The following HEATR5B variants were observed in gnomAD, a reference collection of about 807,000 sequenced individuals.
The protein encoded by HEATR5B is HEAT repeat containing 5B.
Under a neutral mutation model 224.1 loss-of-function variants are expected in HEATR5B, and 156 were observed. That is an observed-to-expected ratio of 0.70 (90% CI 0.61 to 0.80). The LOEUF is 0.80. HEATR5B is among the 30% of genes least tolerant of loss of function. The pLI, the probability that HEATR5B is intolerant of heterozygous loss-of-function variation, is 0.00. For missense variants in HEATR5B, 2,323 were observed against 2,535.5 expected (o/e 0.92, Z 1.80); for synonymous variants, 1,027 against 893.0 (o/e 1.15, Z -2.68).
intron 8 of HEATR5B, 142 bp downstream of exon 8, chr2:37,068,539 A>G (rs548216024): frequency 1.4e-4 from 121 of 835,220 alleles, no homozygotes; most frequent in Non-Finnish European, 2.1e-4. Context: ...TGATTTTAAT[A>G]TCAAATAAGA....
At chr2:36,985,824 T>A (rs75812386) in intron 35 of HEATR5B, among the ~76,000 whole-genome samples, 1 of 152,000 alleles carries the variant, frequency 6.6e-6, no homozygotes, top group Non-Finnish European at 1.5e-5. Flanking sequence ...TGGTTGATAG[T>A]TGAAATTACA....
chr2:36,988,738 C>G lies in HEATR5B; in HGVS notation c.5819G>C (p.Arg1940Thr). Residue 1940 changes from arginine to threonine, a missense_variant, in exon 35 of 36, where the codon AGA becomes ACA. Arg to Thr is a moderately conservative substitution (Grantham distance 71, BLOSUM62 -1). Transcript: ENST00000233099. ...CTCTATGTTACTGGCTGGTCTGTTT[C>G]TTTCAACAGCTTTTAGCTTTTCAAC... ...IVVEKLKAVERNRPASNIELL... is the reference protein window; with the variant it reads ...IVVEKLKAVETNRPASNIELL... The G allele has an allele frequency of 6.2e-7, 1 of 1,612,472 alleles. No individual in the cohort carries two copies. The highest frequency in any genetic ancestry group is 1.7e-5 in the Admixed American group (1 of 59,664).
intron 31 of HEATR5B, among the ~76,000 whole-genome samples, chr2:37,003,333 A>G (rs1487648118): frequency 6.6e-6 from 1 of 151,448 alleles, no homozygotes; most frequent in Non-Finnish European, 1.5e-5. Flanking sequence ...AGCTACTCAG[A>G]AGGCTAAGGC....
intron 18 of HEATR5B, among the ~76,000 whole-genome samples, chr2:37,048,664 G>T (rs916776256): frequency 6.6e-6 from 1 of 152,036 alleles, no homozygotes; most frequent in Non-Finnish European, 1.5e-5. Flanking sequence ...ATAATCAATG[G>T]CAAATATTTG....
intron 17 of HEATR5B, among the ~76,000 whole-genome samples, chr2:37,050,411 C>G (rs1467840746): frequency 6.6e-6 from 1 of 152,124 alleles, no homozygotes; most frequent in Non-Finnish European, 1.5e-5. Flanking sequence ...GGGAGTGTCT[C>G]TATTCAAAGA....
In HEATR5B at chr2:37,002,292, G is replaced by C. The variant is rs1667137871; in HGVS notation, c.5317+14C>G. The C allele has an allele frequency of 6.2e-7, 1 of 1,613,888 alleles. No homozygotes were observed. The highest frequency in any genetic ancestry group is 1.1e-5 in the South Asian group (1 of 91,044). On this transcript the variant is annotated intron_variant, in intron 32 of 35. Coordinates refer to ENST00000233099, the MANE Select transcript of HEATR5B (RefSeq NM_019024.3). ...GTAATATAATGCATTTCCAAATACT[G>C]ATCAATACCGTACCAGCGGGTGAAC...
chr2:37,057,323 T>G lies in HEATR5B; in HGVS notation c.2217A>C (p.Glu739Asp). The G allele has an allele frequency of 6.3e-7, 1 of 1,599,838 alleles. No homozygotes were observed. The highest frequency in any genetic ancestry group is 8.5e-7 in the Non-Finnish European group (1 of 1,175,004). Residue 739 changes from glutamate to aspartate, a missense_variant, in exon 15 of 36, where the codon GAA becomes GAC. Glu to Asp is a conservative substitution (Grantham distance 45). This residue lies in a region of HEATR5B where 170 missense variants were observed against 216.7 expected (regional missense o/e 0.78). Coordinates refer to ENST00000233099, the MANE Select transcript of HEATR5B (RefSeq NM_019024.3). Reference protein sequence around the residue: ...WLQETDHKSIEDQLQPNSASG... With the variant: ...WLQETDHKSIDDQLQPNSASG... ...TTTCCTCTATGTTTATTACCTGGTC[T>G]TCAATTGATTTATGATCAGTTTCCT...
At chr2:37,071,356 G>A (rs909459600) in intron 6 of HEATR5B, among the ~76,000 whole-genome samples, 9 of 152,184 alleles carry the variant, frequency 5.9e-5, no homozygotes, top group Admixed American at 2.6e-4. Flanking sequence ...AGGCACCCCT[G>A]AGATATCTCT....
intron 33 of HEATR5B, among the ~76,000 whole-genome samples, chr2:36,994,370 GT>G (rs754270114): frequency 3.3e-5 from 5 of 152,110 alleles, no homozygotes; most frequent in Non-Finnish European, 7.4e-5. Flanking sequence ...ATTTTTGTAC[GT>G]TTGTACATGT....
Position 37,060,692 on chromosome 2 carries a change from A to G in HEATR5B, c.1738T>C (p.Leu580=), listed in dbSNP as rs939363954. 5.6e-6 allele frequency: 9 copies of G among 1,614,002 alleles called. No homozygotes were observed. The highest frequency in any genetic ancestry group is 2.2e-5 in the South Asian group (2 of 91,076). Reference sequence around the variant, plus strand: ...GAACGTGGGAAAACATTTCGCCACAATAACAACATCTTGGGCAGATGGTAA... The same window carrying G: ...GAACGTGGGAAAACATTTCGCCACAGTAACAACATCTTGGGCAGATGGTAA... ...VRYHLPKMLL[L]WRNVFPRSLK... Residue 580 remains leucine, a synonymous_variant, in exon 12 of 36, where the codon TTG becomes CTG. Coordinates refer to ENST00000233099, the MANE Select transcript of HEATR5B (RefSeq NM_019024.3).
chr2:37,061,198 G>A (rs1291129701), intron 11 of HEATR5B, among the ~76,000 whole-genome samples: 1 of 152,074 alleles, frequency 6.6e-6, no homozygotes, highest in Non-Finnish European at 1.5e-5. Flanking sequence ...GGTTAATTTA[G>A]TTTCATGGAA....
At chr2:37,028,287 G>T in intron 23 of HEATR5B, 113 bp from the exon 24 acceptor site, 3 of 626,234 alleles carry the variant, frequency 4.8e-6, no homozygotes, top group African/African-American at 1.9e-5. Context: ...ATTCTTACTT[G>T]CTGGAAAACA....
intron 33 of HEATR5B, among the ~76,000 whole-genome samples, chr2:36,994,051 G>A (rs1007278674): frequency 6.6e-6 from 1 of 152,126 alleles, no homozygotes; most frequent in Non-Finnish European, 1.5e-5. Context: ...GGTTATGGAA[G>A]GGAATGTCCT....
chr2:36,988,881 T>C, intron 34 of HEATR5B, 22 bp from the exon 35 acceptor site: 1 of 1,524,744 alleles, frequency 6.6e-7, no homozygotes, highest in Non-Finnish European at 9.1e-7. Context: ...GAACATATTA[T>C]CAATTAACAT....
rs1157601160 is a variant in HEATR5B, at chr2:37,070,254, A to C, written c.903T>G (p.Arg301=). 6.2e-7 allele frequency: 1 copy of C among 1,614,052 alleles called. No homozygotes were observed. The highest frequency in any genetic ancestry group is 8.5e-7 in the Non-Finnish European group (1 of 1,179,998). ...EMLKVGGSVN[R]EVRVGVTQAY... ...CCTGCGTAACTCCAACTCTCACTTC[A>C]CGATTAACGGACCCTCCAACTTTTA... is the stretch of plus-strand genomic sequence containing the variant. The change falls in exon 7 of 36, where the codon CGT becomes CGG. Residue 301 remains arginine, a synonymous_variant. Transcript: ENST00000233099.
chr2:37,047,652 G>A (rs1303067833), intron 18 of HEATR5B, among the ~76,000 whole-genome samples: 2 of 152,148 alleles, frequency 1.3e-5, no homozygotes, highest in South Asian at 2.1e-4. Flanking sequence ...ATGGTTTACA[G>A]AATGATTCCT....
intron 33 of HEATR5B, among the ~76,000 whole-genome samples, chr2:36,997,051 T>C (rs577638033): frequency 6.6e-6 from 1 of 152,332 alleles, no homozygotes; most frequent in South Asian, 2.1e-4. Context: ...GGTGAGTAAG[T>C]GAATTTTTTC....
At chr2:37,080,154 A>G (rs1672467226) in intron 2 of HEATR5B, among the ~76,000 whole-genome samples, 2 of 152,166 alleles carry the variant, frequency 1.3e-5, no homozygotes, top group African/African-American at 4.8e-5. Context: ...GCTGCAGTGG[A>G]GTAAGAGAAA....
chr2:37,058,690 T>A, intron 13 of HEATR5B, 130 bp from the exon 14 acceptor site: 1 of 707,704 alleles, frequency 1.4e-6, no homozygotes, highest in Non-Finnish European at 2.4e-6. Flanking sequence ...GCTTATGTTG[T>A]GATCTTTGCT....
Sources: gnomAD v4.1 joint callset for allele counts (sites outside exome capture counted in the v4.1 genomes callset) on GRCh38, gnomAD v4.1.1 for gene constraint, gnomAD v4.1.1 regional missense constraint, MANE v1.5 for transcripts, NCBI Gene and HGNC (gene_info 2026-07-23, HGNC 2026-07-21) for gene names.